The following BTG2 variants were observed in gnomAD, a reference collection of about 807,000 sequenced individuals.
BTG2 encodes protein BTG2.
BTG2 carries 9 observed loss-of-function variants against 13.1 expected under a neutral mutation model. The observed-to-expected ratio is 0.69, with a 90% confidence interval of 0.41 to 1.20. The LOEUF (loss-of-function observed/expected upper bound fraction) is 1.20. Among genes scored for constraint, BTG2 ranks in the 50% most tolerant of loss-of-function variants. The pLI, the probability that BTG2 is intolerant of heterozygous loss-of-function variation, is 0.00. For missense variants in BTG2, 200 were observed against 209.5 expected, an observed-to-expected ratio of 0.95 and a Z score of 0.28; for synonymous variants, 92 against 88.6, an observed-to-expected ratio of 1.04 and a Z score of -0.21.
Position 203,305,647 on chromosome 1 carries a change from C to T in BTG2, c.41C>T (p.Ala14Val). 1 of 1,586,438 alleles carries T rather than the reference C, an allele frequency of 6.3e-7. No homozygotes were observed. Among genetic ancestry groups the T allele is most frequent in the Non-Finnish European group, 8.6e-7 (1 of 1,166,912 alleles). Residue 14 changes from alanine (A) to valine (V), a missense_variant, in exon 1 of 2, where the codon GCC (alanine) becomes GTC (valine). Transcript: ENST00000290551. ...GGAACCGACATGCTCCCGGAGATCG[C>T]CGCCGCCGTGGGCTTCCTCTCCAGC... ...GKGTDMLPEI[A>V]AAVGFLSSLL...
chr1:203,305,947 T>A (rs1199529563), intron 1 of BTG2, among the ~76,000 whole-genome samples, 199 bp downstream of exon 1: 1 of 151,960 alleles, frequency 6.6e-6, no homozygotes, highest in Non-Finnish European at 1.5e-5. Context: ...GTCTCGGCCG[T>A]GGCGGTTCTG....
chr1:203,305,845 A>G, intron 1 of BTG2, 97 bp downstream of exon 1: 2 of 1,470,654 alleles, frequency 1.4e-6, no homozygotes, highest in Non-Finnish European at 1.8e-6. Flanking sequence ...GACCCACGGG[A>G]GCAGCTTTGG....
rs1312771332 is a variant in BTG2 at position 203,308,895 on chromosome 1, TGA to T, written c.*1459_*1460del. 6.6e-6 allele frequency: 1 copy of T among 152,658 alleles called. No homozygotes were observed. The highest frequency in any genetic ancestry group is 1.9e-4 in the East Asian group (1 of 5,194). 9.5% of individuals were successfully genotyped at this position (152,658 alleles called of 1,614,324 possible). A position where few individuals can be genotyped will look rare whatever the true frequency, so the allele number is the denominator to read the frequency against. On this transcript the variant is annotated 3_prime_UTR_variant, in exon 2 of 2. Transcript: ENST00000290551. ...TCCTTCAATTTCTCAGTGACATTGA[TGA>T]GGGGTCCTCAAAAGACCTCGAGTTT...
chr1:203,306,334 G>A (rs2102284618), intron 1 of BTG2, among the ~76,000 whole-genome samples: 1 of 152,200 alleles, frequency 6.6e-6, no homozygotes, highest in East Asian at 1.9e-4. Flanking sequence ...GAGCCTCGTA[G>A]CTCGTGACCC....
chr1:203,305,868 C>T (rs1317402709), intron 1 of BTG2, 120 bp downstream of exon 1: 1 of 1,348,794 alleles, frequency 7.4e-7, no homozygotes, highest in Non-Finnish European at 9.8e-7. Context: ...CTCGGTGGCC[C>T]TCCTCCGACC....
intron 1 of BTG2, among the ~76,000 whole-genome samples, chr1:203,306,844 TCAGTCACACACACACACACA>T (rs1558183738): frequency 9.4e-5 from 5 of 53,120 alleles, no homozygotes; most frequent in African/African-American, 4.0e-4. Context: ...ACACACACAC[TCAGTCACACACACACACACA>T]CACACACACA....
In BTG2 at chr1:203,308,380, C is replaced by G. The variant is rs1050734473; in HGVS notation, c.*942C>G. The G allele has an allele frequency of 2.0e-5, 3 of 152,622 alleles. No individual in the cohort carries two copies. The highest frequency in any genetic ancestry group is 7.2e-5 in the African/African-American group (3 of 41,440). The allele number at this position is 152,622 out of a possible 1,614,324, so 9.5% of individuals were successfully genotyped here. A position where few individuals can be genotyped will look rare whatever the true frequency, so the allele number is the denominator to read the frequency against. ...TCAAAAGCTACAGGGAACTCCAGGT[C>G]CTTTATTACTGCCTTCTTTTCAAAA... On this transcript the variant is annotated 3_prime_UTR_variant, in exon 2 of 2. Coordinates refer to ENST00000290551, the MANE Select transcript of BTG2 (RefSeq NM_006763.3).
chr1:203,306,158 C>G (rs1558183445), intron 1 of BTG2, among the ~76,000 whole-genome samples: 2 of 152,286 alleles, frequency 1.3e-5, no homozygotes, highest in East Asian at 1.9e-4. Flanking sequence ...TGCAGTCGAG[C>G]CTTTTCAACA....
At chr1:203,306,425 T>C (rs2102284743) in intron 1 of BTG2, among the ~76,000 whole-genome samples, 1 of 152,168 alleles carries the variant, frequency 6.6e-6, no homozygotes, top group African/African-American at 2.4e-5. Context: ...CTCCCAGCTG[T>C]TTCTAGCTGG....
At chr1:203,306,348 C>G (rs1658272909) in intron 1 of BTG2, among the ~76,000 whole-genome samples, 1 of 152,064 alleles carries the variant, frequency 6.6e-6, no homozygotes, top group South Asian at 2.1e-4. Flanking sequence ...GTGACCCTGC[C>G]GTGCGGGCCT....
rs1658300721 is a variant in BTG2, at chr1:203,307,299, T to C, written c.338T>C (p.Ile113Thr). 2.5e-6 allele frequency: 4 copies of C among 1,614,092 alleles called. No homozygotes were observed. The highest frequency in any genetic ancestry group is 2.5e-6 in the Non-Finnish European group (3 of 1,179,994). The change falls in exon 2 of 2, where the codon ATT (isoleucine) becomes ACT (threonine). Residue 113 changes from isoleucine to threonine, a missense_variant. By Grantham distance (89) the Ile-to-Thr change is moderately conservative. Coordinates refer to ENST00000290551, the MANE Select transcript of BTG2 (RefSeq NM_006763.3). The stretch of plus-strand genomic sequence containing the variant: ...GACCCCTATGAGGTGTCCTACCGCA[T>C]TGGGGAGGACGGCTCCATCTGCGTC... Reference protein sequence around the residue: ...WVDPYEVSYRIGEDGSICVLY... With the variant: ...WVDPYEVSYRTGEDGSICVLY...
In BTG2 at chr1:203,307,501, T is replaced by A; in HGVS notation, c.*63T>A. ...GCTGCCGTGACAACAGGCCACCACA[T>A]ACCTCAACCTGGGGAACTGTATTTT... On this transcript the variant is annotated 3_prime_UTR_variant, in exon 2 of 2. Coordinates refer to ENST00000290551, the MANE Select transcript of BTG2 (RefSeq NM_006763.3). 1 of 1,305,862 alleles carries A rather than the reference T, an allele frequency of 7.7e-7. No individual in the cohort carries two copies. The highest frequency in any genetic ancestry group is 1.1e-6 in the Non-Finnish European group (1 of 951,358). 80.9% of individuals were successfully genotyped at this position (1,305,862 alleles called of 1,614,324 possible).
chr1:203,305,807 C>G lies in BTG2; in HGVS notation c.142+59C>G, dbSNP rs1332365745. On this transcript the variant is annotated intron_variant, in intron 1 of 1. Coordinates refer to ENST00000290551, the MANE Select transcript of BTG2 (RefSeq NM_006763.3). ...GGGTCGGCCCCATCCCTGCCAGGGC[C>G]GTCTTTCTTCTACTCCTGCGGCAGG... 4.6e-6 allele frequency: 7 copies of G among 1,513,432 alleles called. 1 individual carries two copies. Among genetic ancestry groups the G allele is most frequent in the Non-Finnish European group, 6.2e-6 (7 of 1,135,726 alleles). 93.8% of individuals were successfully genotyped at this position (1,513,432 alleles called of 1,614,324 possible).
chr1:203,306,554 A>T (rs1658278980), intron 1 of BTG2, among the ~76,000 whole-genome samples: 2 of 152,216 alleles, frequency 1.3e-5, no homozygotes, highest in African/African-American at 2.4e-5. Flanking sequence ...AGGCACTGCT[A>T]AGGAAGGTTC....
intron 1 of BTG2, 52 bp downstream of exon 1, chr1:203,305,800 C>G (rs190037595): frequency 6.6e-7 from 1 of 1,518,068 alleles, no homozygotes; most frequent in Non-Finnish European, 8.8e-7. Flanking sequence ...CCCATCCCTG[C>G]CAGGGCCGTC....
chr1:203,305,882 G>C, intron 1 of BTG2, 134 bp downstream of exon 1: 1 of 1,264,682 alleles, frequency 7.9e-7, no homozygotes, highest in Non-Finnish European at 1.1e-6. Context: ...TCCGACCCCC[G>C]GGGCGGCCCG....
chr1:203,306,684 G>A (rs934107279), intron 1 of BTG2, among the ~76,000 whole-genome samples: 1 of 151,878 alleles, frequency 6.6e-6, no homozygotes, highest in African/African-American at 2.4e-5. Context: ...GTCTCCAGAG[G>A]CCCTGCCTGG....
At position 203,305,654 on chromosome 1, in the gene BTG2, C is replaced by G. The variant is rs746720055; in HGVS notation, c.48C>G (p.Ala16=). The change falls in exon 1 of 2, where the codon GCC becomes GCG. Residue 16 remains alanine, a synonymous_variant. Transcript: ENST00000290551. ...GTDMLPEIAA[A]VGFLSSLLRT... ...ACATGCTCCCGGAGATCGCCGCCGCCGTGGGCTTCCTCTCCAGCCTCCTGA... is the reference window on the plus strand; with the variant it reads ...ACATGCTCCCGGAGATCGCCGCCGCGGTGGGCTTCCTCTCCAGCCTCCTGA... 12 of 1,582,226 alleles carry G rather than the reference C, an allele frequency of 7.6e-6. No homozygotes were observed. In the African/African-American group the frequency reaches 1.4e-4, roughly 18 times the overall value.
chr1:203,307,368 C>A lies in BTG2; in HGVS notation c.407C>A (p.Thr136Asn). The change falls in exon 2 of 2, where the codon ACC (threonine) becomes AAC (asparagine). Residue 136 changes from threonine (T) to asparagine (N), a missense_variant. Coordinates refer to ENST00000290551, the MANE Select transcript of BTG2 (RefSeq NM_006763.3). ...CTGGCCGCCTCCTGTGGGCTCCTCA[C>A]CTGCAAGAACCAAGTGCTGCTGGGC... ...APLAASCGLL[T>N]CKNQVLLGRS... is the part of the protein sequence containing the mutation. The A allele has an allele frequency of 1.9e-6, 3 of 1,612,308 alleles. No individual in the cohort carries two copies. In the African/African-American group the frequency reaches 4.0e-5, roughly 21 times the overall value.
Sources: allele counts gnomAD v4.1 joint callset (sites outside exome capture counted in the v4.1 genomes callset), GRCh38; gene constraint gnomAD v4.1.1; transcripts MANE v1.5; gene names NCBI Gene and HGNC (gene_info 2026-07-23, HGNC 2026-07-21).